The following CTNNA3 variants were observed in gnomAD, a reference collection of about 807,000 sequenced individuals.
CTNNA3 encodes the protein catenin alpha 3, also known as catenin alpha-3.
In CTNNA3, 76 loss-of-function variants were observed where a neutral mutation model predicts 95.7. The observed-to-expected ratio is 0.79, with a 90% CI of 0.66 to 0.96. The LOEUF is 0.96. Among genes scored for constraint, CTNNA3 ranks in the 40% least tolerant of loss-of-function variants. The pLI is 0.00. For synonymous variants in CTNNA3, 431 were observed against 374.4 expected (o/e 1.15, Z -1.74); for missense variants, 1,191 against 1,089.8 (o/e 1.09, Z -1.31).
At chr10:66,157,006 G>T (rs187428599) in intron 13 of CTNNA3, among the ~76,000 whole-genome samples, 1 of 151,692 alleles carries the variant, frequency 6.6e-6, no homozygotes, top group African/African-American at 2.4e-5. Context: ...TTTGCATTTG[G>T]GTTTTGGTTT....
chr10:67,131,955 T>C (rs1348695238), intron 7 of CTNNA3, among the ~76,000 whole-genome samples: 1 of 152,050 alleles, frequency 6.6e-6, no homozygotes, highest in Non-Finnish European at 1.5e-5. Context: ...CATATTTCCA[T>C]TACAGAAAGA....
chr10:65,921,059 G>A (rs2077078931), intron 17 of CTNNA3, among the ~76,000 whole-genome samples: 1 of 152,118 alleles, frequency 6.6e-6, no homozygotes, highest in Non-Finnish European at 1.5e-5. Flanking sequence ...ATATTATCCT[G>A]TATAAATCTT....
intron 7 of CTNNA3, among the ~76,000 whole-genome samples, chr10:67,037,637 C>A (rs1054078135): frequency 6.6e-6 from 1 of 152,044 alleles, no homozygotes; most frequent in Non-Finnish European, 1.5e-5. Flanking sequence ...TGAACTAAGA[C>A]ACTAACAGAG....
chr10:65,920,141 C>A lies in CTNNA3; in HGVS notation c.*189G>T. The A allele has an allele frequency of 1.7e-6, 1 of 594,170 alleles. No homozygotes were observed. Among genetic ancestry groups the A allele is most frequent in the Non-Finnish European group, 3.0e-6 (1 of 335,274 alleles). The allele number at this position is 594,170 out of a possible 1,614,324, so 36.8% of individuals were successfully genotyped here. A position where few individuals can be genotyped will look rare whatever the true frequency, so the allele number is the denominator to read the frequency against. On this transcript the variant is annotated 3_prime_UTR_variant, in exon 18 of 18. Transcript: ENST00000433211. ...ATATTCCTTAACTATTAGGTGCTGA[C>A]CATACAGAAATGACAGTGATATGAT...
intron 10 of CTNNA3, among the ~76,000 whole-genome samples, chr10:66,538,528 A>G (rs1704722182): frequency 1.3e-5 from 2 of 152,200 alleles, no homozygotes. Context: ...AACATAACCA[A>G]AAAGAAAGTG....
chr10:67,019,250 G>T (rs143413535), intron 7 of CTNNA3, among the ~76,000 whole-genome samples: 10,776 of 151,880 alleles, frequency 0.071, 463 homozygotes, highest in Non-Finnish European at 0.096. Context: ...ACGTAGTCTC[G>T]CTCTGTTGCC....
chr10:66,477,140 A>G (rs1170739965), intron 11 of CTNNA3, among the ~76,000 whole-genome samples: 3 of 152,140 alleles, frequency 2.0e-5, no homozygotes, highest in Admixed American at 6.6e-5. Context: ...TATTTAACCA[A>G]TAAAAGTAAA....
At chr10:67,128,854 T>C (rs957708924) in intron 7 of CTNNA3, among the ~76,000 whole-genome samples, 13 of 152,118 alleles carry the variant, frequency 8.5e-5, no homozygotes, top group African/African-American at 3.1e-4. Flanking sequence ...AAAAATACAA[T>C]TCCTCATTTA....
chr10:66,867,988 T>C (rs1367909731), intron 7 of CTNNA3, among the ~76,000 whole-genome samples: 1 of 147,164 alleles, frequency 6.8e-6, no homozygotes, highest in East Asian at 2.0e-4. Flanking sequence ...TAGCATGTAC[T>C]TTCATTAAGG....
chr10:67,394,285 T>G (rs1461985230), intron 5 of CTNNA3, among the ~76,000 whole-genome samples: 1 of 148,402 alleles, frequency 6.7e-6, no homozygotes, highest in African/African-American at 2.5e-5. Flanking sequence ...GGAGCATGAA[T>G]AGAAGAATGA....
In CTNNA3 at chr10:66,291,092, A is replaced by G. The variant is rs540820955; in HGVS notation, c.1733-10471T>C. Among the ~76,000 whole-genome samples, 134 of 152,230 alleles carry G rather than the reference A, an allele frequency of 8.8e-4. 1 individual carries two copies. The highest frequency in any genetic ancestry group is 3.2e-3 in the African/African-American group (132 of 41,550). On this transcript the variant is annotated intron_variant, in intron 12 of 17. Coordinates refer to ENST00000433211, the MANE Select transcript of CTNNA3 (RefSeq NM_013266.4). ...TCTGATCACTTACTAAGTACCAGTT[A>G]TTTTGCTAGTGATTTACACGTGTGA...
chr10:67,241,898 C>A (rs1030360695), intron 5 of CTNNA3, among the ~76,000 whole-genome samples: 12 of 152,140 alleles, frequency 7.9e-5, no homozygotes, highest in Admixed American at 7.2e-4. Context: ...TTCCTATATT[C>A]AAGTACTCTC....
At chr10:66,916,741 C>A (rs1211887561) in intron 7 of CTNNA3, among the ~76,000 whole-genome samples, 1 of 152,050 alleles carries the variant, frequency 6.6e-6, no homozygotes, top group Non-Finnish European at 1.5e-5. Context: ...TAAGGAGGTG[C>A]TGGGGGGAAA....
At chr10:66,397,293 G>T (rs1589191804) in intron 11 of CTNNA3, among the ~76,000 whole-genome samples, 2 of 151,572 alleles carry the variant, frequency 1.3e-5, no homozygotes, top group East Asian at 3.9e-4. Flanking sequence ...ATTAAACAGA[G>T]AACTCTTATA....
At chr10:66,191,515 C>G (rs2086664450) in intron 13 of CTNNA3, among the ~76,000 whole-genome samples, 1 of 151,868 alleles carries the variant, frequency 6.6e-6, no homozygotes, top group African/African-American at 2.4e-5. Context: ...TTCTACAGTC[C>G]CATAGGTGTA....
chr10:67,272,823 G>A (rs1000094966), intron 5 of CTNNA3, among the ~76,000 whole-genome samples: 3 of 152,002 alleles, frequency 2.0e-5, no homozygotes, highest in Admixed American at 6.6e-5. Flanking sequence ...CTCCATGTAG[G>A]TGCATGACTA....
At chr10:67,555,234 C>T (rs181226626) in intron 3 of CTNNA3, among the ~76,000 whole-genome samples, 70 of 152,142 alleles carry the variant, frequency 4.6e-4, no homozygotes, top group Admixed American at 9.2e-4. Context: ...CTTGGCAATG[C>T]GGGCTCTTTT....
At chr10:67,657,657 C>T (rs1840062675) in intron 1 of CTNNA3, among the ~76,000 whole-genome samples, 1 of 151,774 alleles carries the variant, frequency 6.6e-6, no homozygotes. Flanking sequence ...ACCAGCCTGG[C>T]CAACATAGTG....
chr10:66,607,776 C>T (rs918739977), intron 10 of CTNNA3, among the ~76,000 whole-genome samples: 3 of 152,090 alleles, frequency 2.0e-5, no homozygotes, highest in African/African-American at 7.2e-5. Flanking sequence ...GCTCAATAAA[C>T]TAGGTATTGA....
Sources: allele counts gnomAD v4.1 joint callset (sites outside exome capture counted in the v4.1 genomes callset), GRCh38; gene constraint gnomAD v4.1.1; transcripts MANE v1.5; gene names NCBI Gene and HGNC (gene_info 2026-07-23, HGNC 2026-07-21).